SNX29: variants seen among roughly 807,000 people sequenced by gnomAD.
SNX29 encodes the protein sorting nexin 29, also known as sorting nexin-29.
Under a neutral mutation model 102.1 loss-of-function variants are expected in SNX29, and 78 were observed. The ratio of observed to expected loss-of-function variants is 0.76; its 90% CI spans 0.64 to 0.92. The LOEUF is 0.92. SNX29 is among the 40% of genes least tolerant of loss of function. The pLI is 0.00. For missense variants in SNX29, 1,280 were observed against 1,061.7 expected, an observed-to-expected ratio of 1.21 and a Z score of -2.86; for synonymous variants, 580 against 414.5, an observed-to-expected ratio of 1.40 and a Z score of -4.85.
At chr16:12,493,124 G>C (rs1047458429) in intron 19 of SNX29, among the ~76,000 whole-genome samples, 3 of 152,226 alleles carry the variant, frequency 2.0e-5, no homozygotes, top group African/African-American at 7.2e-5. Flanking sequence ...ACCTTGGGCA[G>C]TATGGCCGTT....
chr16:12,358,251 T>G (rs536394468), intron 16 of SNX29, among the ~76,000 whole-genome samples: 9 of 152,324 alleles, frequency 5.9e-5, no homozygotes, highest in African/African-American at 2.2e-4. Context: ...CTGTGATATT[T>G]TATATATTTG....
At chr16:12,515,873 C>T (rs7191573) in intron 19 of SNX29, among the ~76,000 whole-genome samples, 2 of 152,142 alleles carry the variant, frequency 1.3e-5, no homozygotes, top group Admixed American at 6.5e-5. Flanking sequence ...GGGCGTAAAT[C>T]TGTAACTCGA....
In SNX29 at chr16:12,042,928, C is replaced by T. The variant is rs1171911122; in HGVS notation, c.279C>T (p.Val93=). ...TGTTCTGGTACTACGTGAAGGAGGTCCTCAACAAGCACGAGCTGCAGCGCT... is the reference window on the plus strand; with the variant it reads ...TGTTCTGGTACTACGTGAAGGAGGTTCTCAACAAGCACGAGCTGCAGCGCT... The part of the protein sequence containing the change: ...EPVFWYYVKE[V]LNKHELQRFY... Residue 93 remains valine (V), a synonymous_variant, in exon 5 of 21, where the codon GTC becomes GTT. Coordinates refer to ENST00000566228, the MANE Select transcript of SNX29 (RefSeq NM_032167.5). 3 of 1,613,264 alleles carry T rather than the reference C, an allele frequency of 1.9e-6. No individual in the cohort carries two copies. Among genetic ancestry groups the T allele is most frequent in the Admixed American group, 1.7e-5 (1 of 59,990 alleles).
At chr16:12,551,618 C>G (rs753772304) in intron 20 of SNX29, among the ~76,000 whole-genome samples, 121 of 152,302 alleles carry the variant, frequency 7.9e-4, no homozygotes, top group Non-Finnish European at 1.5e-3. Context: ...AGATCTGAGT[C>G]TGAGGCATCA....
chr16:12,153,640 AT>A (rs144224447), intron 13 of SNX29, among the ~76,000 whole-genome samples: 22,587 of 139,088 alleles, frequency 0.16, 1,912 homozygotes, highest in Middle Eastern at 0.22. Flanking sequence ...CACCTGGCTA[AT>A]TTTTTTTTTT....
At chr16:12,494,007 T>C (rs868622288) in intron 19 of SNX29, among the ~76,000 whole-genome samples, 4 of 152,364 alleles carry the variant, frequency 2.6e-5, no homozygotes, top group Middle Eastern at 3.4e-3. Context: ...GTCCTTTGGC[T>C]ATTTTTCTTC....
At chr16:12,380,699 C>CCAACCATCAATTCCAT (rs1646394764) in intron 16 of SNX29, among the ~76,000 whole-genome samples, 1 of 51,100 alleles carries the variant, frequency 2.0e-5, no homozygotes, top group Non-Finnish European at 5.2e-5. Context: ...CACCCATCCA[C>CCAACCATCAATTCCAT]CCACCAACCA....
intron 18 of SNX29, among the ~76,000 whole-genome samples, chr16:12,464,229 C>CGTGTGTGTGTGTCTGTGT (rs1555545095): frequency 1.4e-5 from 2 of 140,936 alleles, no homozygotes; most frequent in African/African-American, 5.1e-5. Context: ...TATTCCATGG[C>CGTGTGTGTGTGTCTGTGT]GTGTGTGTGT....
intron 11 of SNX29, among the ~76,000 whole-genome samples, chr16:12,084,173 G>A (rs2052047658): frequency 6.7e-6 from 1 of 150,152 alleles, no homozygotes; most frequent in Admixed American, 6.6e-5. Flanking sequence ...GAGACGGAGT[G>A]TTGCTCTTAT....
At chr16:12,542,335 G>C (rs2077379994) in intron 20 of SNX29, among the ~76,000 whole-genome samples, 1 of 152,224 alleles carries the variant, frequency 6.6e-6, no homozygotes, top group Non-Finnish European at 1.5e-5. Context: ...GTTAGAGCAA[G>C]AGATTGTCTC....
intron 20 of SNX29, among the ~76,000 whole-genome samples, chr16:12,554,529 C>A (rs1212311685): frequency 6.6e-6 from 1 of 152,204 alleles, no homozygotes; most frequent in Non-Finnish European, 1.5e-5. Context: ...ATTGAACATT[C>A]TCGCCCACGT....
At chr16:12,301,021 G>A (rs1422276584) in intron 15 of SNX29, among the ~76,000 whole-genome samples, 1 of 152,148 alleles carries the variant, frequency 6.6e-6, no homozygotes, top group Non-Finnish European at 1.5e-5. Flanking sequence ...CCTGACTTGT[G>A]CGTCTGCGGT....
rs191462911 is a variant in SNX29, at chr16:12,171,024, C to T, written c.1596-28577C>T. 2.9e-3 allele frequency among the ~76,000 whole-genome samples: 443 copies of T among 152,134 alleles called. 1 individual carries two copies. Among genetic ancestry groups the T allele is most frequent in the Non-Finnish European group, 5.0e-3 (340 of 67,992 alleles). Reference sequence around the variant, plus strand: ...GCGTGATTTTACATATCTTAGATCACATAGCAGCTTGGAGGAGAGCTTGGA... The same window carrying T: ...GCGTGATTTTACATATCTTAGATCATATAGCAGCTTGGAGGAGAGCTTGGA... On this transcript the variant is annotated intron_variant, in intron 13 of 20. Transcript: ENST00000566228.
intron 14 of SNX29, among the ~76,000 whole-genome samples, chr16:12,220,828 CAT>C (rs1286271526): frequency 1.3e-5 from 2 of 152,164 alleles, no homozygotes; most frequent in Non-Finnish European, 1.5e-5. Context: ...ATTATAAAAA[CAT>C]ATTCTTAGGC....
chr16:12,315,870 T>G (rs2080716150), intron 15 of SNX29, among the ~76,000 whole-genome samples: 1 of 152,220 alleles, frequency 6.6e-6, no homozygotes, highest in South Asian at 2.1e-4. Context: ...AATATTGTTA[T>G]TAAATCAGGA....
chr16:12,384,458 T>A (rs911966685), intron 16 of SNX29, among the ~76,000 whole-genome samples: 7 of 152,236 alleles, frequency 4.6e-5, no homozygotes, highest in Admixed American at 3.3e-4. Context: ...GATCTGCGTT[T>A]CTGTGATCAG....
rs71408254 is a variant in SNX29 at position 12,235,785 on chromosome 16, TTGTG to T, written c.1678+36124_1678+36127del. On this transcript the variant is annotated intron_variant, in intron 14 of 20. Coordinates refer to ENST00000566228, the MANE Select transcript of SNX29 (RefSeq NM_032167.5). ...GGTGGATGAAAACATGGGTTGTAAA[TTGTG>T]TGTGTGTGTGTGTGTGTGTGTATGT... 9.3e-3 allele frequency among the ~76,000 whole-genome samples: 1,378 copies of T among 148,032 alleles called. 11 individuals carry two copies. The highest frequency in any genetic ancestry group is 0.015 in the African/African-American group (595 of 40,582).
At chr16:12,304,632 A>G (rs1362702022) in intron 15 of SNX29, among the ~76,000 whole-genome samples, 2 of 152,166 alleles carry the variant, frequency 1.3e-5, no homozygotes, top group African/African-American at 4.8e-5. Context: ...ACCTCAAGTG[A>G]TCCACCTGCC....
chr16:12,357,738 T>C (rs2151316563), intron 16 of SNX29, among the ~76,000 whole-genome samples: 1 of 152,290 alleles, frequency 6.6e-6, no homozygotes, highest in South Asian at 2.1e-4. Flanking sequence ...TCTACTTTGT[T>C]CCTCTATGAA....
Sources: allele counts gnomAD v4.1 joint callset (sites outside exome capture counted in the v4.1 genomes callset), GRCh38; gene constraint gnomAD v4.1.1; transcripts MANE v1.5; gene names NCBI Gene and HGNC (gene_info 2026-07-23, HGNC 2026-07-21).